The following AKNA variants were observed in gnomAD, a reference collection of about 807,000 sequenced individuals.
The protein encoded by AKNA is AT-hook transcription factor.
Under a neutral mutation model 138.8 loss-of-function variants are expected in AKNA, and 67 were observed. That is an observed-to-expected ratio of 0.48 (90% CI 0.40 to 0.59). The LOEUF (loss-of-function observed/expected upper bound fraction) is 0.59, where lower values mean the gene tolerates loss of function less well. Ranked by LOEUF, AKNA falls within the 20% of genes least tolerant of loss-of-function variation. The pLI, the probability that AKNA is intolerant of heterozygous loss-of-function variation, is 0.00. For missense variants in AKNA, 1,813 were observed against 1,880.4 expected, an observed-to-expected ratio of 0.96 and a Z score of 0.66; for synonymous variants, 737 against 754.4, an observed-to-expected ratio of 0.98 and a Z score of 0.38.
downstream of AKNA, chr9:114,333,099 GAGA>G (rs772059184): frequency 1.1e-5 from 18 of 1,579,796 alleles, no homozygotes; most frequent in South Asian, 8.1e-5. Flanking sequence ...GAAGCAGCAC[GAGA>G]AGGAGAGGAA....
At chr9:114,383,943 C>A (rs1440150352) in intron 1 of AKNA, among the ~76,000 whole-genome samples, 1 of 152,096 alleles carries the variant, frequency 6.6e-6, no homozygotes, top group African/African-American at 2.4e-5. Flanking sequence ...AATGCAGAGC[C>A]CTACAATTTC....
At chr9:114,331,333 G>C (rs1383420156), downstream of AKNA, among the ~76,000 whole-genome samples, 1 of 152,076 alleles carries the variant, frequency 6.6e-6, no homozygotes, top group African/African-American at 2.4e-5. Flanking sequence ...GTAAAACGGG[G>C]AGAAAGGCCC....
At position 114,359,268 on chromosome 9, in the gene AKNA, C is replaced by T. The variant is rs141732874; in HGVS notation, c.2492+326G>A. On this transcript the variant is annotated intron_variant, in intron 11 of 21. Coordinates refer to ENST00000374088, the MANE Select transcript of AKNA (RefSeq NM_001317950.2). Reference sequence around the variant, plus strand: ...ATTTCTTGTTGAGATGGGGCTTTGCCGTTTTGCTCAGGCTAGTCTTGAACT... The same window carrying T: ...ATTTCTTGTTGAGATGGGGCTTTGCTGTTTTGCTCAGGCTAGTCTTGAACT... The T allele has an allele frequency of 1.3e-3, 466 of 360,464 alleles. 10 individuals carry two copies. In the East Asian group the frequency reaches 0.023, roughly 18 times the overall value. 22.3% of individuals were successfully genotyped at this position (360,464 alleles called of 1,614,324 possible). A position where few individuals can be genotyped will look rare whatever the true frequency, so the allele number is the denominator to read the frequency against.
At chr9:114,361,994 A>ACTC (rs1832005658) in intron 8 of AKNA, 83 bp from the exon 9 acceptor site, 1 of 1,411,030 alleles carries the variant, frequency 7.1e-7, no homozygotes, top group African/African-American at 1.4e-5. Flanking sequence ...CAGAGCAGAG[A>ACTC]CTCCAGGGGA....
At position 114,355,963 on chromosome 9, in the gene AKNA, G is replaced by A. The variant is rs1407028882; in HGVS notation, c.3020C>T (p.Pro1007Leu). ...SPSGPLRQRA[P>L]NFSLERTLAA... Reference sequence around the variant, plus strand: ...CAGTGTCCGCTCCAGGCTGAAGTTGGGTGCCCTCTGCCGGAGAGGCCCACT... The same window carrying A: ...CAGTGTCCGCTCCAGGCTGAAGTTGAGTGCCCTCTGCCGGAGAGGCCCACT... The change falls in exon 14 of 22, where the codon CCC becomes CTC. Residue 1007 changes from proline (P) to leucine (L), a missense_variant. Coordinates refer to ENST00000374088, the MANE Select transcript of AKNA (RefSeq NM_001317950.2). The A allele has an allele frequency of 1.2e-6, 2 of 1,614,080 alleles. No homozygotes were observed. The highest frequency in any genetic ancestry group is 2.7e-5 in the African/African-American group (2 of 74,922).
At chr9:114,373,958 AGAAGAAAACTGGC>A in intron 4 of AKNA, 122 bp downstream of exon 4, 1 of 794,928 alleles carries the variant, frequency 1.3e-6, no homozygotes, top group Non-Finnish European at 1.9e-6. Context: ...ACCTTGGGGT[AGAAGAAAACTGGC>A]GTTCCACTAT....
Position 114,364,160 on chromosome 9 carries a change from A to G in AKNA, c.1788+400T>C, listed in dbSNP as rs144052762. Among the ~76,000 whole-genome samples the G allele has an allele frequency of 2.0e-3, 299 of 152,052 alleles. 2 individuals are homozygous for G. Among genetic ancestry groups the G allele is most frequent in the African/African-American group, 6.9e-3 (287 of 41,500 alleles). ...TGGAAAGTAGTGCAGGGCAGTGATT[A>G]TGACCCTGGATTTGAAAGAGAGACA... On this transcript the variant is annotated intron_variant, in intron 7 of 21. Transcript: ENST00000374088.
chr9:114,376,531 T>G lies in AKNA; in HGVS notation c.1276A>C (p.Ile426Leu). The G allele has an allele frequency of 6.2e-7, 1 of 1,614,000 alleles. No individual in the cohort carries two copies. Among genetic ancestry groups the G allele is most frequent in the Non-Finnish European group, 8.5e-7 (1 of 1,179,956 alleles). ...TGAAATTCTTGGGGTACCCTGGTGA[T>G]AGGGTGGGCAGGAGGCGTGTCCTTT... ...LAKDTPPAHPITRVPQEFQTP... is the reference protein window; with the variant it reads ...LAKDTPPAHPLTRVPQEFQTP... Residue 426 changes from isoleucine (I) to leucine (L), a missense_variant, in exon 3 of 22, where the codon ATC becomes CTC. By Grantham distance (5) the Ile-to-Leu change is conservative. Coordinates refer to ENST00000374088, the MANE Select transcript of AKNA (RefSeq NM_001317950.2).
chr9:114,387,297 C>G (rs774206118), intron 1 of AKNA, among the ~76,000 whole-genome samples: 17 of 152,234 alleles, frequency 1.1e-4, no homozygotes, highest in East Asian at 3.9e-4. Flanking sequence ...TCCCTGCCCC[C>G]AGCCCGCTCC....
At chr9:114,388,123 G>T, upstream of AKNA, 1 of 263,362 alleles carries the variant, frequency 3.8e-6, no homozygotes, top group South Asian at 3.1e-5. Flanking sequence ...GGGTTTGTCT[G>T]CGTGCAGAGC....
chr9:114,341,974 G>A, intron 20 of AKNA, 35 bp downstream of exon 20: 1 of 1,572,976 alleles, frequency 6.4e-7, no homozygotes, highest in Non-Finnish European at 8.8e-7. Flanking sequence ...AGAGCTGAGG[G>A]TCTGGCTAAG....
intron 1 of AKNA, among the ~76,000 whole-genome samples, chr9:114,382,515 C>T (rs2763193): frequency 0.61 from 91,724 of 149,596 alleles, 29,139 homozygotes; most frequent in African/African-American, 0.81. Context: ...CCCGGGAGGT[C>T]GAAGCTGCAG....
chr9:114,345,928 T>A lies in AKNA; in HGVS notation c.3596A>T (p.Asp1199Val). 3 of 1,613,896 alleles carry A rather than the reference T, an allele frequency of 1.9e-6. No homozygotes were observed. Among genetic ancestry groups the A allele is most frequent in the Non-Finnish European group, 1.7e-6 (2 of 1,179,908 alleles). Reference sequence around the variant, plus strand: ...AGCACTGCCCACCCCTCTCTTTCCATCCCGAGCTGCCTGTGGACTGTCCTT... The same window carrying A: ...AGCACTGCCCACCCCTCTCTTTCCAACCCGAGCTGCCTGTGGACTGTCCTT... ...TTKDSPQAARDGKRGVGSAGW... is the reference protein window; with the variant it reads ...TTKDSPQAARVGKRGVGSAGW... The change falls in exon 18 of 22, where the codon GAT (aspartate) becomes GTT (valine). Residue 1199 changes from aspartate (D) to valine (V), a missense_variant. Transcript: ENST00000374088.
At chr9:114,367,801 G>T in intron 5 of AKNA, 104 bp from the exon 6 acceptor site, 1 of 1,313,348 alleles carries the variant, frequency 7.6e-7, no homozygotes, top group Non-Finnish European at 1.0e-6. Context: ...TCAAGTTATA[G>T]CTCAGTCACC....
At chr9:114,337,676 G>A (rs1687392) in intron 21 of AKNA, among the ~76,000 whole-genome samples, 100,479 of 151,832 alleles carry the variant, frequency 0.66, 34,223 homozygotes, top group East Asian at 0.84. Context: ...GGATCTTGGG[G>A]AGGCCAGGAT....
upstream of AKNA, among the ~76,000 whole-genome samples, chr9:114,390,183 G>A (rs768204855): frequency 3.9e-5 from 6 of 152,106 alleles, no homozygotes; most frequent in Non-Finnish European, 7.4e-5. Flanking sequence ...AAGGAGAACC[G>A]CCTGCAGTGC....
chr9:114,355,802 T>C, intron 14 of AKNA, 123 bp downstream of exon 14: 1 of 1,063,046 alleles, frequency 9.4e-7, no homozygotes, highest in Non-Finnish European at 1.3e-6. Context: ...CCACGTTATC[T>C]GTAATTTCAA....
At chr9:114,352,929 A>G (rs1311115531) in intron 14 of AKNA, among the ~76,000 whole-genome samples, 3 of 152,130 alleles carry the variant, frequency 2.0e-5, no homozygotes, top group Non-Finnish European at 4.4e-5. Flanking sequence ...TCAAAAAAAA[A>G]AAAAGATGAA....
intron 20 of AKNA, 126 bp from the exon 21 acceptor site, chr9:114,341,851 G>A (rs1199791842): frequency 7.6e-7 from 1 of 1,309,398 alleles, no homozygotes; most frequent in African/African-American, 1.5e-5. Flanking sequence ...GAGACTCCAT[G>A]TCGGGGAGGT....
Sources: gnomAD v4.1 joint callset for allele counts (sites outside exome capture counted in the v4.1 genomes callset) on GRCh38, gnomAD v4.1.1 for gene constraint, MANE v1.5 for transcripts, NCBI Gene and HGNC (gene_info 2026-07-23, HGNC 2026-07-21) for gene names.